Variants in RAB38 observed in about 807,000 individuals in gnomAD.
RAB38 encodes the protein ras-related protein Rab-38.
RAB38 carries 15 observed loss-of-function variants against 18.4 expected under a neutral mutation model. The observed-to-expected ratio is 0.82, with a 90% CI of 0.55 to 1.26. RAB38 has a LOEUF of 1.26. RAB38 is among the 50% of genes most tolerant of loss of function. The pLI is 0.00. For missense variants in RAB38, 294 were observed against 267.4 expected (o/e 1.10, Z -0.69); for synonymous variants, 101 against 104.4 (o/e 0.97, Z 0.20).
At chr11:87,945,289 T>C in the RAB38 span, among the ~76,000 whole-genome samples, 6 of 152,162 alleles carry the variant, frequency 3.9e-5, no homozygotes, top group Non-Finnish European at 5.9e-5. Context: ...AAAATATTAG[T>C]CTAAAGAAGT....
At chr11:88,068,079 C>G in the RAB38 span, among the ~76,000 whole-genome samples, 2 of 150,910 alleles carry the variant, frequency 1.3e-5, no homozygotes, top group African/African-American at 4.9e-5. Flanking sequence ...AACTCAAATT[C>G]TACAAAACAC....
chr11:87,820,497 A>G, the RAB38 span, among the ~76,000 whole-genome samples: 1 of 152,224 alleles, frequency 6.6e-6, no homozygotes, highest in African/African-American at 2.4e-5. Context: ...ATCTGGTTCA[A>G]AAGAAACAAA....
chr11:87,913,887 C>T, the RAB38 span, among the ~76,000 whole-genome samples: 5 of 152,134 alleles, frequency 3.3e-5, no homozygotes, highest in South Asian at 2.1e-4. Context: ...CAGAGAGTTC[C>T]GCCGGCAAGA....
chr11:88,099,166 C>T, the RAB38 span, among the ~76,000 whole-genome samples: 2 of 151,628 alleles, frequency 1.3e-5, no homozygotes, highest in Non-Finnish European at 2.9e-5. Flanking sequence ...AAAAATCAAA[C>T]GTAATTGAAA....
chr11:88,149,743 T>C lies in RAB38; in HGVS notation c.415A>G (p.Asn139Asp), dbSNP rs61749247. ...CAGAACTGGTCCATCTTGAGGCCAT[T>C]GTTCATGAGCACATCCTTCCCCTGG... ...CDQGKDVLMN[N>D]GLKMDQFCKE... Residue 139 changes from asparagine to aspartate, a missense_variant, in exon 2 of 3, where the codon AAT becomes GAT. Transcript: ENST00000243662. 5 of 1,614,182 alleles carry C rather than the reference T, an allele frequency of 3.1e-6. No individual in the cohort carries two copies. The highest frequency in any genetic ancestry group is 2.2e-5 in the East Asian group (1 of 44,880).
chr11:87,848,378 G>A, the RAB38 span, among the ~76,000 whole-genome samples: 1,919 of 152,196 alleles, frequency 0.013, 41 homozygotes, highest in African/African-American at 0.042. Context: ...ATGATTTATA[G>A]TAAGAATGAA....
chr11:87,856,714 C>T, the RAB38 span, among the ~76,000 whole-genome samples: 1 of 152,058 alleles, frequency 6.6e-6, no homozygotes, highest in African/African-American at 2.4e-5. Context: ...CCTCCTTCTT[C>T]TTCTTTTTAA....
the RAB38 span, among the ~76,000 whole-genome samples, chr11:87,914,191 A>C: frequency 6.6e-6 from 1 of 152,142 alleles, no homozygotes; most frequent in Non-Finnish European, 1.5e-5. Context: ...AGAACACAAA[A>C]AAAAGAGGGA....
At chr11:88,131,158 A>C (rs1331690886) in intron 2 of RAB38, among the ~76,000 whole-genome samples, 1 of 152,194 alleles carries the variant, frequency 6.6e-6, no homozygotes, top group Non-Finnish European at 1.5e-5. Flanking sequence ...GAACATCCTT[A>C]TAATATGGTA....
At chr11:87,893,392 T>TA in the RAB38 span, among the ~76,000 whole-genome samples, 3 of 7,106 alleles carry the variant, frequency 4.2e-4, no homozygotes, top group African/African-American at 5.6e-4. Context: ...ATATATATAT[T>TA]TTTTTTTTAC....
chr11:87,867,763 A>G, the RAB38 span, among the ~76,000 whole-genome samples: 1 of 151,698 alleles, frequency 6.6e-6, no homozygotes. Context: ...AAATGTATCA[A>G]TTAATTGAAT....
chr11:88,145,142 ATCTC>A, intron 2 of RAB38, among the ~76,000 whole-genome samples: 2 of 151,158 alleles, frequency 1.3e-5, no homozygotes, highest in African/African-American at 4.9e-5. Flanking sequence ...TACATTATTT[ATCTC>A]TCTTTTTTTT....
chr11:87,974,469 A>G, the RAB38 span, among the ~76,000 whole-genome samples: 17 of 152,046 alleles, frequency 1.1e-4, no homozygotes, highest in African/African-American at 4.1e-4. Flanking sequence ...TTTAGAAAAC[A>G]AAAACCTCAG....
At chr11:87,828,108 A>G in the RAB38 span, among the ~76,000 whole-genome samples, 1 of 152,224 alleles carries the variant, frequency 6.6e-6, no homozygotes, top group Admixed American at 6.5e-5. Context: ...TCTGTGCTCT[A>G]TCTTTGCAAC....
chr11:88,126,947 A>G (rs953435407), intron 2 of RAB38, among the ~76,000 whole-genome samples: 8 of 152,164 alleles, frequency 5.3e-5, no homozygotes, highest in Non-Finnish European at 1.2e-4. Context: ...AAACAATACA[A>G]CACTGCCCAA....
chr11:87,955,132 CCCA>C, the RAB38 span, among the ~76,000 whole-genome samples: 3 of 152,130 alleles, frequency 2.0e-5, no homozygotes, highest in African/African-American at 7.2e-5. Flanking sequence ...CCATCTGACT[CCCA>C]CAAGAAGTCC....
At chr11:87,860,016 C>T in the RAB38 span, among the ~76,000 whole-genome samples, 1 of 151,972 alleles carries the variant, frequency 6.6e-6, no homozygotes, top group Non-Finnish European at 1.5e-5. Context: ...GTGGCATCAG[C>T]CTAAAGCTCA....
At chr11:88,076,935 G>T in the RAB38 span, among the ~76,000 whole-genome samples, 1 of 124,798 alleles carries the variant, frequency 8.0e-6, no homozygotes, top group Non-Finnish European at 1.6e-5. Context: ...CTCCAGCCTG[G>T]GCAACAGAGA....
the RAB38 span, among the ~76,000 whole-genome samples, chr11:87,868,570 G>T: frequency 5.1e-5 from 2 of 39,054 alleles, no homozygotes; most frequent in African/African-American, 9.7e-5. Flanking sequence ...AAAATGATAA[G>T]GAGTGAGGGA....
Sources: allele counts gnomAD v4.1 joint callset (sites outside exome capture counted in the v4.1 genomes callset), GRCh38; gene constraint gnomAD v4.1.1; transcripts MANE v1.5; gene names NCBI Gene and HGNC (gene_info 2026-07-23, HGNC 2026-07-21).